GRIN2A: variants seen among roughly 807,000 people sequenced by gnomAD.
The protein encoded by GRIN2A is glutamate receptor ionotropic, NMDA 2A.
Under a neutral mutation model 113.4 loss-of-function variants are expected in GRIN2A, and 22 were observed. The observed-to-expected ratio is 0.19, with a 90% CI of 0.14 to 0.28. The LOEUF (loss-of-function observed/expected upper bound fraction) is 0.28, where lower values mean the gene tolerates loss of function less well. Ranked by LOEUF, GRIN2A falls within the 10% of genes least tolerant of loss-of-function variation. GRIN2A has a pLI of 1.00. For missense variants in GRIN2A, 1,502 were observed against 1,887.0 expected, an observed-to-expected ratio of 0.80 and a Z score of 3.78; for synonymous variants, 827 against 738.4, an observed-to-expected ratio of 1.12 and a Z score of -1.94.
chr16:9,990,846 C>T (rs148104506), intron 2 of GRIN2A, among the ~76,000 whole-genome samples: 1,560 of 152,272 alleles, frequency 0.01, 25 homozygotes, highest in African/African-American at 0.035. Flanking sequence ...GCAGGTGGAT[C>T]ACCTGAAGTC....
At chr16:10,087,197 AG>A (rs1435921163) in intron 2 of GRIN2A, among the ~76,000 whole-genome samples, 1 of 152,236 alleles carries the variant, frequency 6.6e-6, no homozygotes, top group Non-Finnish European at 1.5e-5. Context: ...CACATCTGTA[AG>A]AAAGGGACAA....
intron 4 of GRIN2A, 81 bp downstream of exon 4, chr16:9,890,904 TG>T: frequency 1.1e-6 from 1 of 870,580 alleles, no homozygotes. Context: ...AGGAAATGCG[TG>T]GGAGAAAGAA....
rs144518546 is a variant in GRIN2A at position 9,976,758 on chromosome 16, C to T, written c.415-38207G>A. Among the ~76,000 whole-genome samples the T allele has an allele frequency of 1.9e-3, 292 of 152,294 alleles. 1 individual carries two copies. The highest frequency in any genetic ancestry group is 6.6e-3 in the African/African-American group (274 of 41,572). Reference sequence around the variant, plus strand: ...ACCTTTAGGAGCCTCACAAATGATGCATGTCCTCTGAAGCCATTCAGCTGG... The same window carrying T: ...ACCTTTAGGAGCCTCACAAATGATGTATGTCCTCTGAAGCCATTCAGCTGG... On this transcript the variant is annotated intron_variant, in intron 2 of 12. Transcript: ENST00000330684.
rs538267402 is a variant in GRIN2A at position 9,769,723 on chromosome 16, T to A, written c.2357-634A>T. Among the ~76,000 whole-genome samples, 16 of 152,212 alleles carry A rather than the reference T, an allele frequency of 1.1e-4. No individual in the cohort carries two copies. In the South Asian group the frequency reaches 3.3e-3, roughly 32 times the overall value. On this transcript the variant is annotated intron_variant, in intron 11 of 12. Coordinates refer to ENST00000330684, the MANE Select transcript of GRIN2A (RefSeq NM_001134407.3). ...TTGAATGAGATGAGAATGTATAAAA[T>A]CCCTAAAGGACCCAGATCATAGTAA... is the stretch of plus-strand genomic sequence containing the variant.
At chr16:9,999,802 AG>A (rs2046290242) in intron 2 of GRIN2A, among the ~76,000 whole-genome samples, 1 of 152,190 alleles carries the variant, frequency 6.6e-6, no homozygotes, top group Non-Finnish European at 1.5e-5. Context: ...GCTCTCACAC[AG>A]GGGGTATTAG....
At chr16:10,091,191 T>C (rs368359643) in intron 2 of GRIN2A, among the ~76,000 whole-genome samples, 20 of 152,342 alleles carry the variant, frequency 1.3e-4, no homozygotes, top group South Asian at 1.0e-3. Flanking sequence ...ATTCCACTTA[T>C]AGGTATCAAC....
chr16:9,906,111 C>T (rs79159979), intron 3 of GRIN2A, among the ~76,000 whole-genome samples: 1,745 of 152,254 alleles, frequency 0.011, 50 homozygotes, highest in African/African-American at 0.04. Context: ...ATTCAGATTC[C>T]TACATTTCAT....
At chr16:9,900,616 T>C (rs886281806) in intron 3 of GRIN2A, among the ~76,000 whole-genome samples, 3 of 152,212 alleles carry the variant, frequency 2.0e-5, no homozygotes, top group African/African-American at 7.2e-5. Context: ...GGGTCTAAGA[T>C]GCATGTCCTA....
intron 2 of GRIN2A, among the ~76,000 whole-genome samples, chr16:10,065,830 C>G (rs979810292): frequency 2.0e-5 from 3 of 152,150 alleles, no homozygotes; most frequent in African/African-American, 7.2e-5. Flanking sequence ...TCTGTCATGA[C>G]ATTGGACAAA....
At chr16:9,917,675 G>A (rs557220762) in intron 3 of GRIN2A, among the ~76,000 whole-genome samples, 20 of 152,244 alleles carry the variant, frequency 1.3e-4, no homozygotes, top group African/African-American at 4.8e-4. Flanking sequence ...TCTTATACAG[G>A]ACCCAAGTTC....
intron 10 of GRIN2A, among the ~76,000 whole-genome samples, chr16:9,808,305 C>G (rs1264288028): frequency 6.6e-6 from 1 of 152,130 alleles, no homozygotes; most frequent in Non-Finnish European, 1.5e-5. Flanking sequence ...ATGTTAATAA[C>G]TTGTCCAAGG....
intron 11 of GRIN2A, among the ~76,000 whole-genome samples, chr16:9,771,554 C>G (rs1417758507): frequency 6.7e-6 from 1 of 150,086 alleles, no homozygotes; most frequent in Non-Finnish European, 1.5e-5. Flanking sequence ...CAGATTACTC[C>G]CCCCCACCCC....
chr16:10,127,291 T>C (rs1480731486), intron 2 of GRIN2A, among the ~76,000 whole-genome samples: 1 of 151,994 alleles, frequency 6.6e-6, no homozygotes, highest in Non-Finnish European at 1.5e-5. Flanking sequence ...TTATTGGCTG[T>C]ATGTTCAAGA....
intron 2 of GRIN2A, among the ~76,000 whole-genome samples, chr16:10,145,077 C>G (rs1049482808): frequency 6.6e-6 from 1 of 150,988 alleles, no homozygotes; most frequent in African/African-American, 2.4e-5. Context: ...TGAAATAAGA[C>G]CATTACAGAG....
chr16:9,950,941 A>T (rs2045164710), intron 2 of GRIN2A, among the ~76,000 whole-genome samples: 1 of 152,184 alleles, frequency 6.6e-6, no homozygotes, highest in African/African-American at 2.4e-5. Context: ...AAACCCCATG[A>T]AGAAGGTAGT....
intron 3 of GRIN2A, among the ~76,000 whole-genome samples, chr16:9,894,831 A>G (rs1284236898): frequency 6.6e-6 from 1 of 152,170 alleles, no homozygotes; most frequent in Admixed American, 6.5e-5. Flanking sequence ...ACATTCATCC[A>G]TCTATATATC....
intron 2 of GRIN2A, among the ~76,000 whole-genome samples, chr16:9,966,019 A>T (rs2045550508): frequency 6.6e-6 from 1 of 152,226 alleles, no homozygotes; most frequent in Non-Finnish European, 1.5e-5. Context: ...CAGCACCTTA[A>T]GCCCAGAATC....
rs1211361046 is a variant in GRIN2A at position 9,759,790 on chromosome 16, A to G, written c.*3359T>C. ...GTCTCTCTGGCAGAAAGATAGACCT[A>G]TAGGGACTTGCCAGCTCAGAGCATT... On this transcript the variant is annotated 3_prime_UTR_variant, in exon 13 of 13. Coordinates refer to ENST00000330684, the MANE Select transcript of GRIN2A (RefSeq NM_001134407.3). The G allele has an allele frequency of 4.4e-6, 1 of 228,414 alleles. No individual in the cohort carries two copies. The highest frequency in any genetic ancestry group is 8.7e-6 in the Non-Finnish European group (1 of 115,184). The allele number at this position is 228,414 out of a possible 1,614,324, so 14.1% of individuals were successfully genotyped here.
At chr16:10,006,539 G>A (rs2046407434) in intron 2 of GRIN2A, among the ~76,000 whole-genome samples, 1 of 152,138 alleles carries the variant, frequency 6.6e-6, no homozygotes, top group Non-Finnish European at 1.5e-5. Context: ...GAGTACATGA[G>A]ATATTTTGGT....
Sources: gnomAD v4.1 joint callset for allele counts (sites outside exome capture counted in the v4.1 genomes callset) on GRCh38, gnomAD v4.1.1 for gene constraint, MANE v1.5 for transcripts, NCBI Gene and HGNC (gene_info 2026-07-23, HGNC 2026-07-21) for gene names.